MNAT1: variants seen among roughly 807,000 people sequenced by gnomAD.
MNAT1 encodes MNAT1 component of CDK activating kinase, also known as CDK-activating kinase assembly factor MAT1.
Under a neutral mutation model 42.0 loss-of-function variants are expected in MNAT1, and 43 were observed. The ratio of observed to expected loss-of-function variants is 1.02; its 90% CI spans 0.80 to 1.32. The LOEUF (loss-of-function observed/expected upper bound fraction) is 1.32. Among genes scored for constraint, MNAT1 ranks in the 40% most tolerant of loss-of-function variants. MNAT1 has a pLI of 0.00. For synonymous variants in MNAT1, 118 were observed against 120.0 expected (o/e 0.98, Z 0.11); for missense variants, 306 against 350.4 (o/e 0.87, Z 1.01).
chr14:60,888,372 G>GA (rs2034737916), intron 7 of MNAT1, among the ~76,000 whole-genome samples: 1 of 151,994 alleles, frequency 6.6e-6, no homozygotes, highest in South Asian at 2.1e-4. Flanking sequence ...AATAGATGCA[G>GA]AAAAGCCTTT....
chr14:60,767,228 G>A lies in MNAT1; in HGVS notation c.90-28989G>A, dbSNP rs541821284. On this transcript the variant is annotated intron_variant, in intron 1 of 7. Transcript: ENST00000261245. The stretch of plus-strand genomic sequence containing the variant: ...TGGAGGAGCATTTCAATGGTAATAT[G>A]TACAAGAAACCCTTGTGCTTTGTAG... Among the ~76,000 whole-genome samples, 6 of 152,280 alleles carry A rather than the reference G, an allele frequency of 3.9e-5. No homozygotes were observed. The East Asian group carries it at 1.2e-3, about 29-fold the overall frequency.
chr14:60,945,831 C>A (rs1353335093), intron 7 of MNAT1, among the ~76,000 whole-genome samples: 1 of 152,156 alleles, frequency 6.6e-6, no homozygotes, highest in Non-Finnish European at 1.5e-5. Context: ...TCTCTCACAT[C>A]CCACAGTGGC....
rs781457251 is a variant in MNAT1 at position 60,764,115 on chromosome 14, C to T, written c.89+29164C>T. On this transcript the variant is annotated intron_variant, in intron 1 of 7. Transcript: ENST00000261245. The stretch of plus-strand genomic sequence containing the variant: ...GTCTTTTAATGATCACTTTTTAATG[C>T]GGTTAAGCCTGACTTAATTGTTCTC... Among the ~76,000 whole-genome samples, 6 of 152,108 alleles carry T rather than the reference C, an allele frequency of 3.9e-5. No homozygotes were observed. In the South Asian group the frequency reaches 8.3e-4, roughly 21 times the overall value.
chr14:60,925,562 G>C (rs1456276247), intron 7 of MNAT1, among the ~76,000 whole-genome samples: 2 of 152,086 alleles, frequency 1.3e-5, no homozygotes, highest in Admixed American at 1.3e-4. Context: ...CCCAAGTTTT[G>C]CTCATTTTGC....
At chr14:60,911,616 T>A (rs963411827) in intron 7 of MNAT1, among the ~76,000 whole-genome samples, 1 of 152,190 alleles carries the variant, frequency 6.6e-6, no homozygotes, top group African/African-American at 2.4e-5. Flanking sequence ...TCAGTTTCCA[T>A]GTAGTTGAGT....
At chr14:60,909,616 C>T (rs1594859694) in intron 7 of MNAT1, among the ~76,000 whole-genome samples, 2 of 152,038 alleles carry the variant, frequency 1.3e-5, no homozygotes, top group Admixed American at 6.5e-5. Context: ...TCAGGTTTGT[C>T]AAAGATCAGA....
Position 60,734,947 on chromosome 14 carries a change from ACT to A in MNAT1, c.88_89del (p.Cys31Ter), listed in dbSNP as rs756099490. The A allele has an allele frequency of 3.7e-6, 6 of 1,613,944 alleles. No homozygotes were observed. Among genetic ancestry groups the A allele is most frequent in the East Asian group, 4.5e-5 (2 of 44,866 alleles). On this transcript the variant is annotated frameshift_variant and splice_region_variant, in exon 1 of 8. Transcript: ENST00000261245. LOFTEE classifies it high-confidence loss of function. The surrounding 1 kb of genome is among the most constrained non-coding windows in gnomAD (Gnocchi z 4.3). The stretch of plus-strand genomic sequence containing the variant: ...GCTGATGGTGAATGTGTGCGGACAC[ACT>A]CTGTGAGTTGGGCGGCAGTGGATTC... ...LKLMVNVCGHTLCESCVDLLF... is the reference protein window; with the variant it reads ...LKLMVNVCGHXLCESCVDLLF...
At chr14:60,748,780 C>CT (rs940892758) in intron 1 of MNAT1, among the ~76,000 whole-genome samples, 10 of 149,558 alleles carry the variant, frequency 6.7e-5, no homozygotes, top group South Asian at 2.1e-4. Flanking sequence ...TCACAATGAA[C>CT]TTTTTTTTTT....
chr14:60,766,805 G>A (rs1252244916), intron 1 of MNAT1, among the ~76,000 whole-genome samples: 1 of 152,110 alleles, frequency 6.6e-6, no homozygotes, highest in Non-Finnish European at 1.5e-5. Flanking sequence ...ATTTTGGGGA[G>A]GCTTATTAAT....
chr14:60,738,573 T>C (rs1301395268), intron 1 of MNAT1, among the ~76,000 whole-genome samples: 1 of 151,598 alleles, frequency 6.6e-6, no homozygotes, highest in African/African-American at 2.4e-5. Context: ...AGTTTTGCTC[T>C]TGTTGCCCAG....
intron 1 of MNAT1, among the ~76,000 whole-genome samples, chr14:60,788,960 C>T (rs541578027): frequency 1.3e-5 from 2 of 152,126 alleles, no homozygotes; most frequent in East Asian, 1.9e-4. Flanking sequence ...TAATTTCCTT[C>T]GAGGACTTTT....
chr14:60,956,841 C>T (rs1489168131), intron 7 of MNAT1, among the ~76,000 whole-genome samples: 1 of 152,110 alleles, frequency 6.6e-6, no homozygotes, highest in Non-Finnish European at 1.5e-5. Flanking sequence ...TTTCCATTTA[C>T]ATGGAGTATC....
At chr14:60,772,757 C>G (rs2031105728) in intron 1 of MNAT1, among the ~76,000 whole-genome samples, 1 of 151,932 alleles carries the variant, frequency 6.6e-6, no homozygotes, top group African/African-American at 2.4e-5. Flanking sequence ...AAAAGCTAGT[C>G]TGAGATTTCT....
chr14:60,777,455 T>C (rs942966357), intron 1 of MNAT1, among the ~76,000 whole-genome samples: 15 of 150,178 alleles, frequency 1.0e-4, no homozygotes, highest in Admixed American at 2.0e-4. Flanking sequence ...AAAATTTTTG[T>C]TTTTCAGTCT....
intron 7 of MNAT1, among the ~76,000 whole-genome samples, chr14:60,929,239 T>C (rs1047727557): frequency 2.7e-4 from 40 of 148,846 alleles, no homozygotes; most frequent in Admixed American, 6.7e-4. Flanking sequence ...GTGTGGTTTG[T>C]TATTTTATTT....
chr14:60,845,248 T>C (rs1200871665), intron 6 of MNAT1, among the ~76,000 whole-genome samples: 1 of 151,608 alleles, frequency 6.6e-6, no homozygotes, highest in Non-Finnish European at 1.5e-5. Flanking sequence ...CATCTGGGAC[T>C]CTAATTTGTT....
Position 60,734,981 on chromosome 14 carries a change from G to C in MNAT1, c.89+30G>C, listed in dbSNP as rs1566744618. On this transcript the variant is annotated intron_variant, in intron 1 of 7. Transcript: ENST00000261245. This position sits in a 1 kb window ranked among gnomAD's most constrained non-coding sequence, Gnocchi z 4.3. ...GTTGGGCGGCAGTGGATTCCCTGGG[G>C]GAGAGACGCGCTGGGTGGGAGGAGA... The C allele has an allele frequency of 1.2e-6, 2 of 1,605,120 alleles. No individual in the cohort carries two copies. The highest frequency in any genetic ancestry group is 2.2e-5 in the South Asian group (2 of 90,900).
intron 6 of MNAT1, among the ~76,000 whole-genome samples, chr14:60,861,286 T>G (rs2139434077): frequency 6.6e-6 from 1 of 152,264 alleles, no homozygotes; most frequent in Admixed American, 6.5e-5. Context: ...ACGTTCAAAC[T>G]CATGAACATT....
intron 1 of MNAT1, among the ~76,000 whole-genome samples, chr14:60,750,189 C>A (rs1013614041): frequency 6.6e-6 from 1 of 151,536 alleles, no homozygotes; most frequent in African/African-American, 2.4e-5. Context: ...TGTCTTAGTT[C>A]TTCTTTTGAG....
Sources: allele counts gnomAD v4.1 joint callset (sites outside exome capture counted in the v4.1 genomes callset), GRCh38; gene constraint gnomAD v4.1.1; non-coding constraint Gnocchi (gnomAD v3.1); transcripts MANE v1.5; gene names NCBI Gene and HGNC (gene_info 2026-07-23, HGNC 2026-07-21).